The following ZFHX3 variants were observed in gnomAD, a reference collection of about 807,000 sequenced individuals.
ZFHX3 encodes zinc finger homeobox protein 3.
In ZFHX3, 42 loss-of-function variants were observed where a neutral mutation model predicts 279.1. The ratio of observed to expected loss-of-function variants is 0.15; its 90% confidence interval spans 0.12 to 0.19. The LOEUF is 0.19. Among genes scored for constraint, ZFHX3 ranks in the 10% least tolerant of loss-of-function variants. The probability of loss-of-function intolerance (pLI) is 1.00; values close to 1 mark genes in which losing one functional copy is unlikely to be tolerated. For missense variants in ZFHX3, 4,981 were observed against 4,754.0 expected (o/e 1.05, Z -1.40); for synonymous variants, 2,293 against 1,957.8 (o/e 1.17, Z -4.52).
chr16:72,930,882 G>T (rs184040206), intron 3 of ZFHX3, among the ~76,000 whole-genome samples: 1 of 152,130 alleles, frequency 6.6e-6, no homozygotes, highest in Non-Finnish European at 1.5e-5. Flanking sequence ...TCACTGAGCC[G>T]TACCCCACAT....
At chr16:73,073,527 A>G (rs762895841) in intron 8 of ZFHX3, among the ~76,000 whole-genome samples, 1 of 152,074 alleles carries the variant, frequency 6.6e-6, no homozygotes, top group Non-Finnish European at 1.5e-5. Context: ...GAGACAGAGT[A>G]TCACTCTTTT....
At chr16:73,382,615 GACTACCCC>G (rs71706009) in intron 3 of ZFHX3, among the ~76,000 whole-genome samples, 1,740 of 152,236 alleles carry the variant, frequency 0.011, 39 homozygotes, top group African/African-American at 0.04. Flanking sequence ...TGTTTTTGCA[GACTACCCC>G]ACTTGCCCCA....
In ZFHX3 at chr16:73,427,836, G is replaced by A. The variant is rs527923821; in HGVS notation, c.-1291+28167C>T. Among the ~76,000 whole-genome samples, 16 of 151,954 alleles carry A rather than the reference G, an allele frequency of 1.1e-4. No individual in the cohort carries two copies. In the East Asian group the frequency reaches 2.3e-3, roughly 22 times the overall value. ...CGCACGCCTGGAGTCCCAGCTACTC[G>A]GGAGGCTGAGGCAGGAGAATCACTG... On this transcript the variant is annotated intron_variant, in intron 3 of 17. Coordinates refer to the ZFHX3 transcript ENST00000641206.
chr16:73,836,278 A>G (rs564548753), intron 1 of ZFHX3, among the ~76,000 whole-genome samples: 3 of 152,186 alleles, frequency 2.0e-5, no homozygotes, highest in Non-Finnish European at 4.4e-5. Context: ...AAAGTCCACT[A>G]CTACAGGAGA....
intron 2 of ZFHX3, among the ~76,000 whole-genome samples, chr16:73,474,881 A>G (rs1001487315): frequency 1.3e-5 from 2 of 152,236 alleles, no homozygotes; most frequent in East Asian, 1.9e-4. Flanking sequence ...TAAAGGAAAG[A>G]ATCAACCATT....
At position 73,350,855 on chromosome 16, in the gene ZFHX3, C is replaced by T. The variant is rs72799411; in HGVS notation, c.-1290-32519G>A. Among the ~76,000 whole-genome samples the T allele has an allele frequency of 6.3e-3, 966 of 152,262 alleles. 4 individuals are homozygous for T. The highest frequency in any genetic ancestry group is 8.0e-3 in the Non-Finnish European group (547 of 68,024). ...TCTCTTTGTAGGGAAGCAGCATGTGCGCAAGGAAGTCTGGGCAATCCCAGA... is the reference window on the plus strand; with the variant it reads ...TCTCTTTGTAGGGAAGCAGCATGTGTGCAAGGAAGTCTGGGCAATCCCAGA... On this transcript the variant is annotated intron_variant, in intron 3 of 17. Coordinates refer to the ZFHX3 transcript ENST00000641206.
At chr16:73,849,925 G>A (rs1961552874) in intron 1 of ZFHX3, among the ~76,000 whole-genome samples, 1 of 152,150 alleles carries the variant, frequency 6.6e-6, no homozygotes, top group Non-Finnish European at 1.5e-5. Context: ...TAGAGGCGGG[G>A]TTTCACCATG....
chr16:73,605,833 T>C (rs1464403977), intron 2 of ZFHX3, among the ~76,000 whole-genome samples: 22 of 152,084 alleles, frequency 1.4e-4, no homozygotes, highest in Admixed American at 1.4e-3. Flanking sequence ...TCAAACCATT[T>C]AAAATGTAAC....
chr16:73,233,471 C>T (rs769315521), intron 5 of ZFHX3, among the ~76,000 whole-genome samples: 1 of 152,216 alleles, frequency 6.6e-6, no homozygotes, highest in Non-Finnish European at 1.5e-5. Context: ...TGCTGATTCT[C>T]TGTTTGTCTG....
chr16:73,160,699 T>C (rs1321211335), intron 5 of ZFHX3, among the ~76,000 whole-genome samples: 12 of 152,114 alleles, frequency 7.9e-5, no homozygotes, highest in Admixed American at 6.6e-4. Context: ...ATATTTGGAT[T>C]GCTTTACCCT....
chr16:73,248,490 CTA>C (rs377177404), intron 5 of ZFHX3, among the ~76,000 whole-genome samples: 203 of 150,742 alleles, frequency 1.3e-3, no homozygotes, highest in African/African-American at 4.6e-3. Context: ...GTATATGTGT[CTA>C]TGTGTCTATG....
At chr16:73,379,461 A>G (rs2016783242) in intron 3 of ZFHX3, among the ~76,000 whole-genome samples, 2 of 152,198 alleles carry the variant, frequency 1.3e-5, no homozygotes, top group Admixed American at 1.3e-4. Flanking sequence ...CACCTCTGCT[A>G]CTTACAGGCT....
chr16:73,460,956 C>A (rs1593121), intron 2 of ZFHX3, among the ~76,000 whole-genome samples: 4,101 of 152,298 alleles, frequency 0.027, 201 homozygotes, highest in East Asian at 0.25. Context: ...CCTGTACAGG[C>A]TGCAGAACTG....
chr16:72,928,785 A>T (rs1338044634), intron 3 of ZFHX3, among the ~76,000 whole-genome samples: 2 of 152,128 alleles, frequency 1.3e-5, no homozygotes, highest in East Asian at 3.9e-4. Context: ...ACACAGCAAG[A>T]CCCCATCTCT....
At chr16:73,446,130 A>C (rs764297303) in intron 3 of ZFHX3, among the ~76,000 whole-genome samples, 9 of 152,176 alleles carry the variant, frequency 5.9e-5, no homozygotes, top group Non-Finnish European at 1.3e-4. Context: ...ATGGTCTATT[A>C]AGGTGTGGAA....
At position 73,376,130 on chromosome 16, in the gene ZFHX3, T is replaced by C. The variant is rs192909217; in HGVS notation, c.-1290-57794A>G. ...AGGTAACTTTAAGATAAGTTATAGC[T>C]TACTCTTTTGGTTTCTTTTTAACAA... On this transcript the variant is annotated intron_variant, in intron 3 of 17. Coordinates refer to the ZFHX3 transcript ENST00000641206. Among the ~76,000 whole-genome samples the C allele has an allele frequency of 6.6e-5, 10 of 152,368 alleles. No homozygotes were observed. In the East Asian group the frequency reaches 1.9e-3, roughly 29 times the overall value.
chr16:73,197,786 G>T (rs1004980876), intron 5 of ZFHX3, among the ~76,000 whole-genome samples: 2 of 152,086 alleles, frequency 1.3e-5, no homozygotes. Context: ...CTGGCCGTTG[G>T]TTCAAATCCC....
chr16:73,334,810 C>CTTTTTTTTTTTTT lies in ZFHX3; in HGVS notation c.-1290-16487_-1290-16475dup, dbSNP rs368597124. ...TCTTTTCCTCCTTTTCTTTCTCATT[C>CTTTTTTTTTTTTT]TTTTTTTTTTTTTTTTTTTTTTTTT... On this transcript the variant is annotated intron_variant, in intron 3 of 17. Coordinates refer to the ZFHX3 transcript ENST00000641206. Among the ~76,000 whole-genome samples, 178 of 57,908 alleles carry CTTTTTTTTTTTTT rather than the reference C, an allele frequency of 3.1e-3. 27 individuals are homozygous for CTTTTTTTTTTTTT. The highest frequency in any genetic ancestry group is 4.0e-3 in the Non-Finnish European group (117 of 29,180). 38.0% of individuals were successfully genotyped at this position (57,908 alleles called of 152,430 possible). A position where few individuals can be genotyped will look rare whatever the true frequency, so the allele number is the denominator to read the frequency against.
At position 72,957,601 on chromosome 16, in the gene ZFHX3, C is replaced by T; in HGVS notation, c.2545G>A (p.Gly849Ser). ...MTQIQHNRHLGLGSLPSPAEA... is the reference protein window; with the variant it reads ...MTQIQHNRHLSLGSLPSPAEA... ...GCGGGTGAGGGCAGGCTGCCGAGGC[C>T]CAGGTGGCGGTTGTGTTGGATCTGG... Residue 849 changes from glycine to serine, a missense_variant, in exon 2 of 10, where the codon GGC becomes AGC. This residue lies in a region of ZFHX3 where 1,751 missense variants were observed against 1,770.0 expected (regional missense o/e 0.99). Transcript: ENST00000268489. The T allele has an allele frequency of 1.2e-6, 2 of 1,614,080 alleles. No individual in the cohort carries two copies. The highest frequency in any genetic ancestry group is 1.7e-6 in the Non-Finnish European group (2 of 1,180,024).
Sources: allele counts gnomAD v4.1 joint callset (sites outside exome capture counted in the v4.1 genomes callset), GRCh38; gene constraint gnomAD v4.1.1; regional missense constraint gnomAD v4.1.1; transcripts MANE v1.5; gene names NCBI Gene and HGNC (gene_info 2026-07-23, HGNC 2026-07-21).